Variants in PTPRD observed in about 807,000 individuals in gnomAD.
PTPRD encodes the protein protein tyrosine phosphatase receptor type D.
A neutral mutation model predicts 214.5 loss-of-function variants in PTPRD; 34 were observed. The ratio of observed to expected loss-of-function variants is 0.16; its 90% CI spans 0.12 to 0.21. PTPRD has a LOEUF of 0.21. Ranked by LOEUF, PTPRD falls within the 10% of genes least tolerant of loss-of-function variation. PTPRD has a pLI of 1.00. For missense variants in PTPRD, 2,545 were observed against 2,398.7 expected, an observed-to-expected ratio of 1.06 and a Z score of -1.27; for synonymous variants, 1,128 against 845.7, an observed-to-expected ratio of 1.33 and a Z score of -5.79.
chr9:8,971,799 T>A (rs758745010), intron 11 of PTPRD, among the ~76,000 whole-genome samples: 1 of 151,530 alleles, frequency 6.6e-6, no homozygotes, highest in Non-Finnish European at 1.5e-5. Flanking sequence ...ATCTGAAAAG[T>A]AACTACTATT....
chr9:9,565,559 T>A (rs993510610), intron 8 of PTPRD, among the ~76,000 whole-genome samples: 1 of 151,928 alleles, frequency 6.6e-6, no homozygotes, highest in Non-Finnish European at 1.5e-5. Flanking sequence ...CAAGACTTTA[T>A]TAATGTATAA....
chr9:10,193,390 G>C (rs1303399887), intron 3 of PTPRD, among the ~76,000 whole-genome samples: 3 of 152,044 alleles, frequency 2.0e-5, no homozygotes, highest in African/African-American at 7.2e-5. Context: ...GGATGAAGGA[G>C]ATAGAGTAGG....
chr9:10,526,188 T>C (rs62538042), intron 2 of PTPRD, among the ~76,000 whole-genome samples: 20,790 of 152,098 alleles, frequency 0.14, 1,600 homozygotes, highest in Non-Finnish European at 0.18. Flanking sequence ...CAACTAAGTC[T>C]TTGAAGAATA....
At chr9:9,771,382 T>C (rs576036322) in intron 5 of PTPRD, among the ~76,000 whole-genome samples, 2 of 152,326 alleles carry the variant, frequency 1.3e-5, no homozygotes, top group Admixed American at 1.3e-4. Context: ...TACATAATTA[T>C]TTTATGTCAT....
chr9:8,431,516 C>G (rs1211416503), intron 35 of PTPRD, among the ~76,000 whole-genome samples: 1 of 152,152 alleles, frequency 6.6e-6, no homozygotes, highest in East Asian at 1.9e-4. Flanking sequence ...TACGATCTAT[C>G]TAGTCTAAAT....
intron 9 of PTPRD, among the ~76,000 whole-genome samples, chr9:9,201,685 A>C (rs2132317693): frequency 6.6e-6 from 1 of 152,336 alleles, no homozygotes; most frequent in African/African-American, 2.4e-5. Flanking sequence ...CAATATTCTC[A>C]ATGCATTTAA....
intron 3 of PTPRD, among the ~76,000 whole-genome samples, chr9:10,128,178 T>C (rs1408497392): frequency 1.3e-5 from 2 of 152,068 alleles, no homozygotes; most frequent in African/African-American, 4.8e-5. Flanking sequence ...CTCAAAATAA[T>C]TGGTTCTCTG....
chr9:9,428,126 TAA>T (rs1172110906), intron 8 of PTPRD, among the ~76,000 whole-genome samples: 4 of 151,976 alleles, frequency 2.6e-5, no homozygotes, highest in Non-Finnish European at 4.4e-5. Context: ...GCAAATTGGA[TAA>T]AGAGTCAAGA....
rs149990369 is a variant in PTPRD, at chr9:8,528,661, G to A, written c.471C>T (p.Ile157=). Residue 157 remains isoleucine (I), a synonymous_variant, in exon 15 of 46, where the codon ATC becomes ATT. Transcript: ENST00000381196. The part of the protein sequence containing the change: ...CAASGNPDPE[I]TWFKDFLPVD... ...CAGGTAAGAAATCTTTAAACCAAGT[G>A]ATTTCTGGATCCGGATTACCACTGG... is the stretch of plus-strand genomic sequence containing the variant. 454 of 1,613,750 alleles carry A rather than the reference G, an allele frequency of 2.8e-4. No homozygotes were observed. In the African/African-American group the frequency reaches 5.7e-3, roughly 20 times the overall value.
At chr9:10,278,644 C>T (rs1401549276) in intron 3 of PTPRD, among the ~76,000 whole-genome samples, 2 of 152,108 alleles carry the variant, frequency 1.3e-5, no homozygotes, top group Admixed American at 6.6e-5. Flanking sequence ...AAACACAACA[C>T]CATAAATTTT....
intron 9 of PTPRD, among the ~76,000 whole-genome samples, chr9:9,362,456 A>G (rs2139128091): frequency 6.6e-6 from 1 of 151,380 alleles, no homozygotes; most frequent in Middle Eastern, 3.4e-3. Context: ...TTCAAGGATG[A>G]TACAGTTCAA....
intron 3 of PTPRD, among the ~76,000 whole-genome samples, chr9:10,197,309 G>T (rs1408838357): frequency 6.6e-6 from 1 of 152,102 alleles, no homozygotes; most frequent in African/African-American, 2.4e-5. Context: ...AAACTGGGTA[G>T]GAATTAAACT....
At chr9:9,940,318 C>G (rs1231880207) in intron 4 of PTPRD, among the ~76,000 whole-genome samples, 2 of 152,126 alleles carry the variant, frequency 1.3e-5, no homozygotes, top group African/African-American at 4.8e-5. Flanking sequence ...GGTTTCTTGA[C>G]TAGACTACCT....
chr9:10,158,229 G>A (rs899637386), intron 3 of PTPRD, among the ~76,000 whole-genome samples: 6 of 152,014 alleles, frequency 3.9e-5, no homozygotes, highest in South Asian at 4.1e-4. Context: ...GGCTGTTCTC[G>A]AACTCCTGAC....
At chr9:9,603,692 G>T (rs953225648) in intron 7 of PTPRD, among the ~76,000 whole-genome samples, 1 of 152,088 alleles carries the variant, frequency 6.6e-6, no homozygotes, top group Non-Finnish European at 1.5e-5. Flanking sequence ...ATTTGAGGTG[G>T]AATAGTTTCA....
chr9:10,124,957 G>A (rs1286014616), intron 3 of PTPRD, among the ~76,000 whole-genome samples: 1 of 152,188 alleles, frequency 6.6e-6, no homozygotes, highest in African/African-American at 2.4e-5. Flanking sequence ...AGAAATGGTA[G>A]AGGACCCTTG....
In PTPRD at chr9:10,361,495, G is replaced by GA. The variant is rs545923972; in HGVS notation, c.-599-20479dup. 4.3e-3 allele frequency among the ~76,000 whole-genome samples: 652 copies of GA among 152,016 alleles called. 3 individuals are homozygous for GA. The highest frequency in any genetic ancestry group is 0.015 in the African/African-American group (604 of 41,496). The stretch of plus-strand genomic sequence containing the variant: ...GAGTGGACAGTTGGGTGTGGGGCAG[G>GA]AAAAAAAGGGGCTGAAAGGCCAATC... On this transcript the variant is annotated intron_variant, in intron 2 of 45. Coordinates refer to ENST00000381196, the MANE Select transcript of PTPRD (RefSeq NM_002839.4).
intron 3 of PTPRD, among the ~76,000 whole-genome samples, chr9:10,116,052 T>C (rs2098728328): frequency 6.6e-6 from 1 of 152,134 alleles, no homozygotes; most frequent in African/African-American, 2.4e-5. Context: ...AAAATCTGCC[T>C]GTCTTCATGT....
intron 7 of PTPRD, among the ~76,000 whole-genome samples, chr9:9,649,052 G>A (rs2096267372): frequency 6.6e-6 from 1 of 152,136 alleles, no homozygotes; most frequent in Admixed American, 6.6e-5. Flanking sequence ...TCTCAAGGAT[G>A]AGCCAGGGGA....
Sources: gnomAD v4.1 joint callset for allele counts (sites outside exome capture counted in the v4.1 genomes callset) on GRCh38, gnomAD v4.1.1 for gene constraint, MANE v1.5 for transcripts, NCBI Gene and HGNC (gene_info 2026-07-23, HGNC 2026-07-21) for gene names.